ZNF507: variants seen among roughly 807,000 people sequenced by gnomAD.
ZNF507 encodes the protein zinc finger protein 507.
In ZNF507, 29 loss-of-function variants were observed where a neutral mutation model predicts 80.0. The ratio of observed to expected loss-of-function variants is 0.36; its 90% CI spans 0.27 to 0.49. ZNF507 has a LOEUF of 0.49. Among genes scored for constraint, ZNF507 ranks in the 20% least tolerant of loss-of-function variants. ZNF507 has a pLI of 0.98. For missense variants in ZNF507, 1,081 were observed against 1,152.2 expected (o/e 0.94, Z 0.90); for synonymous variants, 462 against 422.5 (o/e 1.09, Z -1.15).
intron 2 of ZNF507, among the ~76,000 whole-genome samples, chr19:32,351,419 C>CCGTGTGTG: frequency 1.9e-5 from 1 of 52,826 alleles, no homozygotes; most frequent in Non-Finnish European, 3.5e-5. Flanking sequence ...AGCTGGTCAG[C>CCGTGTGTG]TGTGTGTGTG....
At chr19:32,362,130 C>T (rs892223713) in intron 5 of ZNF507, among the ~76,000 whole-genome samples, 7 of 152,124 alleles carry the variant, frequency 4.6e-5, no homozygotes, top group African/African-American at 1.7e-4. Flanking sequence ...CTCAAGTGTC[C>T]GCCCACCTTG....
intron 2 of ZNF507, among the ~76,000 whole-genome samples, chr19:32,348,070 A>G (rs1204988282): frequency 6.6e-6 from 1 of 152,168 alleles, no homozygotes. Flanking sequence ...TAATTCAGGG[A>G]CCTGAAAGTT....
intron 5 of ZNF507, among the ~76,000 whole-genome samples, chr19:32,374,097 C>T (rs568692355): frequency 1.3e-4 from 20 of 151,898 alleles, no homozygotes; most frequent in African/African-American, 3.9e-4. Flanking sequence ...ACCATCCTGT[C>T]GGGGGACTGA....
intron 5 of ZNF507, among the ~76,000 whole-genome samples, chr19:32,377,103 G>A (rs927662398): frequency 8.5e-5 from 13 of 152,110 alleles, no homozygotes; most frequent in South Asian, 2.1e-4. Flanking sequence ...AGATAACTGC[G>A]GGCGGGCCTG....
intron 2 of ZNF507, among the ~76,000 whole-genome samples, chr19:32,350,965 G>A (rs1237525612): frequency 6.6e-6 from 1 of 152,108 alleles, no homozygotes; most frequent in African/African-American, 2.4e-5. Context: ...GTCACAAAAG[G>A]GTTTTTCTAA....
chr19:32,351,000 T>G (rs1967155423), intron 2 of ZNF507, among the ~76,000 whole-genome samples: 1 of 152,168 alleles, frequency 6.6e-6, no homozygotes, highest in Admixed American at 6.5e-5. Flanking sequence ...CCCCCATTGG[T>G]CTCCTCTTTA....
intron 5 of ZNF507, among the ~76,000 whole-genome samples, chr19:32,373,840 A>G (rs899092617): frequency 2.0e-5 from 3 of 152,134 alleles, no homozygotes; most frequent in African/African-American, 7.2e-5. Context: ...TCTTGTGACT[A>G]TCCATTTTCG....
In ZNF507 at chr19:32,353,027, T is replaced by C; in HGVS notation, c.197T>C (p.Ile66Thr). 6.2e-7 allele frequency: 1 copy of C among 1,613,946 alleles called. No homozygotes were observed. Among genetic ancestry groups the C allele is most frequent in the East Asian group, 2.2e-5 (1 of 44,888 alleles). The change falls in exon 3 of 7, where the codon ATT becomes ACT. Residue 66 changes from isoleucine to threonine, a missense_variant. By Grantham distance (89) the Ile-to-Thr change is moderately conservative. Transcript: ENST00000355898. Reference sequence around the variant, plus strand: ...GAAAAGTCACAAAAATGTCTTTTAATTGGGAAGAAACGCCCACGTTCAAGT... The same window carrying C: ...GAAAAGTCACAAAAATGTCTTTTAACTGGGAAGAAACGCCCACGTTCAAGT... ...ENEKSQKCLL[I>T]GKKRPRSSAA...
intron 3 of ZNF507, among the ~76,000 whole-genome samples, chr19:32,356,276 T>G (rs1026952330): frequency 6.6e-6 from 1 of 152,202 alleles, no homozygotes; most frequent in African/African-American, 2.4e-5. Flanking sequence ...GGATTTTTTT[T>G]TGTGAAGTTG....
intron 2 of ZNF507, among the ~76,000 whole-genome samples, chr19:32,347,629 A>G (rs1188229845): frequency 6.6e-6 from 1 of 151,560 alleles, no homozygotes; most frequent in Non-Finnish European, 1.5e-5. Flanking sequence ...CAGGTTTCTC[A>G]TCTGCAAAAA....
chr19:32,356,897 G>A, intron 4 of ZNF507, 164 bp downstream of exon 4: 1 of 621,716 alleles, frequency 1.6e-6, no homozygotes, highest in East Asian at 2.8e-5. Context: ...GAAATGCCAA[G>A]TACTGAATGA....
intron 5 of ZNF507, among the ~76,000 whole-genome samples, chr19:32,378,874 A>G (rs1184584225): frequency 6.6e-6 from 1 of 152,176 alleles, no homozygotes; most frequent in Non-Finnish European, 1.5e-5. Context: ...CCACATCTGA[A>G]TGAAAGTGAG....
At chr19:32,378,120 G>A (rs539002687) in intron 5 of ZNF507, among the ~76,000 whole-genome samples, 29 of 152,254 alleles carry the variant, frequency 1.9e-4, no homozygotes, top group Admixed American at 9.2e-4. Flanking sequence ...TTGAGAGGGT[G>A]AGGCAGGCGA....
intron 5 of ZNF507, among the ~76,000 whole-genome samples, chr19:32,367,766 GCT>G (rs1273732998): frequency 6.6e-6 from 1 of 152,180 alleles, no homozygotes; most frequent in Non-Finnish European, 1.5e-5. Context: ...TTCCAGAAAG[GCT>G]TTCAGCAGGG....
rs1332721584 is a variant in ZNF507, at chr19:32,353,575, C to T, written c.745C>T (p.Arg249Ter). The T allele has an allele frequency of 3.1e-6, 5 of 1,614,118 alleles. No homozygotes were observed. The highest frequency in any genetic ancestry group is 1.1e-5 in the South Asian group (1 of 91,080). ...TGCATACGAACAGTACGGCATGTAT[C>T]GATGCTTGTTTTGTAGTTATACTTG... ...WYAYEQYGMY[R>*]CLFCSYTCGQ... The change falls in exon 3 of 7, where the codon CGA (arginine) becomes TGA (stop). Residue 249 changes from arginine to a stop codon, truncating the protein, a stop_gained. Transcript: ENST00000355898. LOFTEE classifies it high-confidence loss of function.
In ZNF507 at chr19:32,356,610, T is replaced by C; in HGVS notation, c.2128-6T>C. On this transcript the variant is annotated splice_region_variant and splice_polypyrimidine_tract_variant and intron_variant, in intron 3 of 6. Coordinates refer to ENST00000355898, the MANE Select transcript of ZNF507 (RefSeq NM_001136156.2). ...TGAAAATTACATATTTCTTTCCACTTTTTAGAGTCAATTGAGGAACCATGA... is the reference window on the plus strand; with the variant it reads ...TGAAAATTACATATTTCTTTCCACTCTTTAGAGTCAATTGAGGAACCATGA... The C allele has an allele frequency of 1.9e-6, 3 of 1,605,452 alleles. No homozygotes were observed. Among genetic ancestry groups the C allele is most frequent in the Non-Finnish European group, 2.6e-6 (3 of 1,172,600 alleles).
intron 3 of ZNF507, among the ~76,000 whole-genome samples, chr19:32,355,611 G>A (rs1967241778): frequency 6.6e-6 from 1 of 152,142 alleles, no homozygotes; most frequent in Admixed American, 6.5e-5. Flanking sequence ...AGGAAACGTT[G>A]AATCATTGGT....
chr19:32,353,358 T>A lies in ZNF507; in HGVS notation c.528T>A (p.Asn176Lys), dbSNP rs1967198166. The A allele has an allele frequency of 6.2e-7, 1 of 1,614,112 alleles. No homozygotes were observed. The highest frequency in any genetic ancestry group is 1.3e-5 in the African/African-American group (1 of 74,944). Residue 176 changes from asparagine (N) to lysine (K), a missense_variant, in exon 3 of 7, where the codon AAT (asparagine) becomes AAA (lysine). By Grantham distance (94) the Asn-to-Lys change is moderately conservative. Transcript: ENST00000355898. ...AGGAACTTGAAGCCCACGTGGTGAATGACCATGACAATGATGCCAATATCC... is the reference window on the plus strand; with the variant it reads ...AGGAACTTGAAGCCCACGTGGTGAAAGACCATGACAATGATGCCAATATCC... ...SQEELEAHVV[N>K]DHDNDANIHT...
In ZNF507 at chr19:32,382,907, A is replaced by G. The variant is rs1043095304; in HGVS notation, c.2686A>G (p.Ile896Val). The change falls in exon 7 of 7, where the codon ATC (isoleucine) becomes GTC (valine). Residue 896 changes from isoleucine (I) to valine (V), a missense_variant. Coordinates refer to ENST00000355898, the MANE Select transcript of ZNF507 (RefSeq NM_001136156.2). ...TSNTSYSLEK[I>V]SSLAPPSMEY... Reference sequence around the variant, plus strand: ...TAATACCTCATATAGTTTAGAAAAAATCTCCAGTCTGGCCCCTCCTAGCAT... The same window carrying G: ...TAATACCTCATATAGTTTAGAAAAAGTCTCCAGTCTGGCCCCTCCTAGCAT... 4.3e-6 allele frequency: 7 copies of G among 1,613,866 alleles called. No homozygotes were observed. Among genetic ancestry groups the G allele is most frequent in the African/African-American group, 1.3e-5 (1 of 74,840 alleles).
Sources: allele counts gnomAD v4.1 joint callset (sites outside exome capture counted in the v4.1 genomes callset), GRCh38; gene constraint gnomAD v4.1.1; transcripts MANE v1.5; gene names NCBI Gene and HGNC (gene_info 2026-07-23, HGNC 2026-07-21).